Variants in PHF14 observed in about 807,000 individuals in gnomAD.
The protein encoded by PHF14 is PHD finger protein 14.
In PHF14, 55 loss-of-function variants were observed where a neutral mutation model predicts 117.9. The ratio of observed to expected loss-of-function variants is 0.47; its 90% CI spans 0.38 to 0.58. The LOEUF (loss-of-function observed/expected upper bound fraction) is 0.58. Among genes scored for constraint, PHF14 ranks in the 20% least tolerant of loss-of-function variants. The pLI is 0.00. For missense variants in PHF14, 978 were observed against 1,122.2 expected (o/e 0.87, Z 1.84); for synonymous variants, 409 against 368.6 (o/e 1.11, Z -1.26).
intron 14 of PHF14, among the ~76,000 whole-genome samples, chr7:11,057,667 C>T (rs1785064274): frequency 1.3e-5 from 2 of 152,164 alleles, no homozygotes; most frequent in Admixed American, 1.3e-4. Context: ...AGCCACTGTT[C>T]CCGGCCTGAA....
intron 16 of PHF14, among the ~76,000 whole-genome samples, chr7:11,072,318 A>G (rs1457088645): frequency 6.6e-6 from 1 of 152,166 alleles, no homozygotes. Flanking sequence ...CACCAAGAGG[A>G]TGGTATAAAC....
At chr7:11,091,276 C>T (rs2906551) in intron 16 of PHF14, among the ~76,000 whole-genome samples, 88,154 of 151,776 alleles carry the variant, frequency 0.58, 27,250 homozygotes, top group East Asian at 0.85. Context: ...GAAAGGGAAG[C>T]GTTTAAAGCA....
intron 3 of PHF14, among the ~76,000 whole-genome samples, chr7:10,985,133 A>G (rs554563544): frequency 2.4e-4 from 37 of 152,120 alleles, no homozygotes; most frequent in Non-Finnish European, 4.4e-4. Context: ...AATTGTGATT[A>G]TTAGTTATAT....
At chr7:10,983,450 C>T (rs1782113346) in intron 3 of PHF14, among the ~76,000 whole-genome samples, 1 of 152,082 alleles carries the variant, frequency 6.6e-6, no homozygotes, top group African/African-American at 2.4e-5. Context: ...TTCCATTCTC[C>T]TTTTTATCCC....
chr7:11,022,497 C>T (rs971793177), intron 5 of PHF14, among the ~76,000 whole-genome samples: 4 of 152,042 alleles, frequency 2.6e-5, no homozygotes, highest in African/African-American at 9.7e-5. Context: ...AAATAATGAA[C>T]GTGACTACCT....
intron 4 of PHF14, 118 bp downstream of exon 4, chr7:10,990,965 CA>C (rs1782428091): frequency 1.6e-6 from 1 of 639,428 alleles, no homozygotes; most frequent in Admixed American, 3.5e-5. Context: ...GCTAAATCAT[CA>C]AAGTATGGAT....
chr7:11,138,612 A>C (rs1228259385), intron 17 of PHF14, among the ~76,000 whole-genome samples: 1 of 152,224 alleles, frequency 6.6e-6, no homozygotes, highest in Non-Finnish European at 1.5e-5. Context: ...AAAATAAAAC[A>C]ATAACATATA....
intron 13 of PHF14, among the ~76,000 whole-genome samples, chr7:11,044,004 A>C (rs1784582124): frequency 6.6e-6 from 1 of 152,110 alleles, no homozygotes; most frequent in Non-Finnish European, 1.5e-5. Context: ...AAAAACACAC[A>C]CAAAAAAAGG....
intron 16 of PHF14, chr7:11,109,681 G>C (rs1787378456): frequency 6.6e-6 from 1 of 151,802 alleles, no homozygotes; most frequent in African/African-American, 2.4e-5. Flanking sequence ...TGTCACATTT[G>C]AACTTAGCTT....
intron 3 of PHF14, among the ~76,000 whole-genome samples, chr7:10,986,831 A>G (rs185485414): frequency 3.3e-5 from 5 of 152,328 alleles, no homozygotes; most frequent in Admixed American, 6.5e-5. Flanking sequence ...GAATTAATCC[A>G]TGACCGTAAA....
intron 17 of PHF14, among the ~76,000 whole-genome samples, chr7:11,122,544 C>T (rs1317858583): frequency 1.3e-5 from 2 of 150,548 alleles, no homozygotes; most frequent in East Asian, 3.9e-4. Flanking sequence ...ATTTCCCTTT[C>T]TACCCCCTGC....
chr7:11,126,853 C>CA (rs1426280192), intron 17 of PHF14, among the ~76,000 whole-genome samples: 1 of 150,830 alleles, frequency 6.6e-6, no homozygotes, highest in South Asian at 2.1e-4. Flanking sequence ...TAAAAAGAGA[C>CA]AAAAAAGTGG....
chr7:11,131,131 G>A (rs1420691404), intron 17 of PHF14, among the ~76,000 whole-genome samples: 2 of 151,780 alleles, frequency 1.3e-5, no homozygotes, highest in South Asian at 2.1e-4. Context: ...TATGAATAAC[G>A]CTACTATAAA....
chr7:11,036,448 C>T lies in PHF14; in HGVS notation c.1633C>T (p.Arg545Cys), dbSNP rs926902700. The T allele has an allele frequency of 1.2e-6, 2 of 1,613,242 alleles. No individual in the cohort carries two copies. The highest frequency in any genetic ancestry group is 1.3e-5 in the African/African-American group (1 of 74,912). ...ARINARLQQYRAKAELARSTR... is the reference protein window; with the variant it reads ...ARINARLQQYCAKAELARSTR... ...GATCAATGCCCGGCTTCAGCAGTATCGTGCCAAAGCAGAACTAGCTCGATC... is the reference window on the plus strand; with the variant it reads ...GATCAATGCCCGGCTTCAGCAGTATTGTGCCAAAGCAGAACTAGCTCGATC... Residue 545 changes from arginine (R) to cysteine (C), a missense_variant, in exon 9 of 18, where the codon CGT becomes TGT. By Grantham distance (180) the Arg-to-Cys change is radical. This residue lies in a region of PHF14 where 237 missense variants were observed against 276.4 expected (regional missense o/e 0.86). Transcript: ENST00000634607.
At chr7:11,090,849 G>T (rs1464325645) in intron 16 of PHF14, among the ~76,000 whole-genome samples, 1 of 152,194 alleles carries the variant, frequency 6.6e-6, no homozygotes, top group Non-Finnish European at 1.5e-5. Flanking sequence ...ATAAACCAAG[G>T]TGACAGGTGA....
rs1783796685 is a variant in PHF14, at chr7:11,023,286, T to C, written c.1317+307T>C. ...CTTATTTACAATTAGATGGATCAAA[T>C]ATAAGCCTAATTTCTGACTTTACTT... On this transcript the variant is annotated intron_variant, in intron 6 of 17. Transcript: ENST00000634607. Among the ~76,000 whole-genome samples, 7 of 152,312 alleles carry C rather than the reference T, an allele frequency of 4.6e-5. 1 individual carries two copies. In the South Asian group the frequency reaches 1.5e-3, roughly 32 times the overall value.
chr7:11,131,397 G>A (rs1475811681), intron 17 of PHF14, among the ~76,000 whole-genome samples: 2 of 151,824 alleles, frequency 1.3e-5, no homozygotes, highest in African/African-American at 4.8e-5. Flanking sequence ...GTTTCATAAG[G>A]ACATGTAGTG....
At chr7:11,009,211 T>C (rs1368959589) in intron 4 of PHF14, among the ~76,000 whole-genome samples, 2 of 152,100 alleles carry the variant, frequency 1.3e-5, no homozygotes, top group Non-Finnish European at 2.9e-5. Flanking sequence ...GCAGATGAAA[T>C]AACTAAGCTT....
At chr7:11,134,567 A>G (rs529012353) in intron 17 of PHF14, among the ~76,000 whole-genome samples, 10 of 152,024 alleles carry the variant, frequency 6.6e-5, no homozygotes, top group Non-Finnish European at 1.2e-4. Context: ...TATTTTACAG[A>G]TGAGGAAAGT....
Sources: gnomAD v4.1 joint callset for allele counts (sites outside exome capture counted in the v4.1 genomes callset) on GRCh38, gnomAD v4.1.1 for gene constraint, gnomAD v4.1.1 regional missense constraint, MANE v1.5 for transcripts, NCBI Gene and HGNC (gene_info 2026-07-23, HGNC 2026-07-21) for gene names.